AJAP1: variants seen among roughly 807,000 people sequenced by gnomAD.
The protein encoded by AJAP1 is adherens junction-associated protein 1.
In AJAP1, 5 loss-of-function variants were observed where a neutral mutation model predicts 35.0. The observed-to-expected ratio is 0.14, with a 90% confidence interval of 0.07 to 0.30. AJAP1 has a LOEUF of 0.30. Among genes scored for constraint, AJAP1 ranks in the 10% least tolerant of loss-of-function variants. The pLI is 1.00. For synonymous variants in AJAP1, 284 were observed against 249.3 expected (o/e 1.14, Z -1.31); for missense variants, 586 against 571.0 (o/e 1.03, Z -0.27).
At chr1:4,673,179 T>C (rs4654585) in intron 1 of AJAP1, among the ~76,000 whole-genome samples, 40,772 of 152,066 alleles carry the variant, frequency 0.27, 5,697 homozygotes, top group Middle Eastern at 0.41. Context: ...AGAATCCAGC[T>C]AGTCTTCTCA....
chr1:4,713,350 G>T (rs575907819), intron 2 of AJAP1, among the ~76,000 whole-genome samples: 1 of 152,338 alleles, frequency 6.6e-6, no homozygotes, highest in South Asian at 2.1e-4. Context: ...AGGGTGTTTG[G>T]AGGACGGAGA....
chr1:4,768,050 G>A (rs1037972327), intron 2 of AJAP1, among the ~76,000 whole-genome samples: 5 of 152,230 alleles, frequency 3.3e-5, no homozygotes, highest in African/African-American at 9.6e-5. Flanking sequence ...CAACTCATTA[G>A]CAAACCAACT....
chr1:4,739,701 G>A (rs988496627), intron 2 of AJAP1, among the ~76,000 whole-genome samples: 1 of 152,174 alleles, frequency 6.6e-6, no homozygotes, highest in Admixed American at 6.5e-5. Flanking sequence ...GGAGGAGGCA[G>A]CAGGTTCTGT....
Position 4,754,042 on chromosome 1 carries a change from G to C in AJAP1, c.830-15811G>C, listed in dbSNP as rs115714188. ...TAGACATTGTGCATGAAAAGCTATA[G>C]AGATGATTCATGGCACTAAATCAGA... On this transcript the variant is annotated intron_variant, in intron 2 of 5. Transcript: ENST00000378191. Among the ~76,000 whole-genome samples, 618 of 152,294 alleles carry C rather than the reference G, an allele frequency of 4.1e-3. 4 individuals carry two copies. Among genetic ancestry groups the C allele is most frequent in the African/African-American group, 0.014 (589 of 41,556 alleles).
intron 1 of AJAP1, among the ~76,000 whole-genome samples, chr1:4,675,079 G>T (rs1389093523): frequency 6.6e-6 from 1 of 152,182 alleles, no homozygotes; most frequent in Admixed American, 6.5e-5. Flanking sequence ...CGGTGGGGGG[G>T]AAACAGAGCA....
chr1:4,679,181 A>C (rs11811287), intron 1 of AJAP1, among the ~76,000 whole-genome samples: 20,579 of 152,088 alleles, frequency 0.14, 1,874 homozygotes, highest in East Asian at 0.29. Context: ...AACACTTGGG[A>C]AACCTGCTGC....
At position 4,788,500 on chromosome 1, in the gene AJAP1, T is replaced by C. The variant is rs1360075774; in HGVS notation, c.*6015T>C. On this transcript the variant is annotated 3_prime_UTR_variant, in exon 6 of 6. Coordinates refer to ENST00000378191, the MANE Select transcript of AJAP1 (RefSeq NM_018836.4). Reference sequence around the variant, plus strand: ...GGCCTCCATGTGACCAAGCCATCCCTAGCTAGGAAACTTAACTCTTTGCAC... The same window carrying C: ...GGCCTCCATGTGACCAAGCCATCCCCAGCTAGGAAACTTAACTCTTTGCAC... The C allele has an allele frequency of 6.6e-6, 1 of 152,224 alleles. No individual in the cohort carries two copies. The highest frequency in any genetic ancestry group is 1.5e-5 in the Non-Finnish European group (1 of 68,062). The allele number at this position is 152,224 out of a possible 1,614,324, so 9.4% of individuals were successfully genotyped here.
chr1:4,663,846 C>T (rs528501172), intron 1 of AJAP1, among the ~76,000 whole-genome samples: 9 of 152,138 alleles, frequency 5.9e-5, no homozygotes, highest in African/African-American at 9.6e-5. Context: ...GACTGTTTGC[C>T]GTGTCTGCAT....
At chr1:4,750,062 A>G (rs905706067) in intron 2 of AJAP1, among the ~76,000 whole-genome samples, 6 of 151,236 alleles carry the variant, frequency 4.0e-5, no homozygotes, top group Non-Finnish European at 5.9e-5. Context: ...GTATCTATAT[A>G]TGCCAGTGTG....
intron 2 of AJAP1, among the ~76,000 whole-genome samples, chr1:4,759,571 A>G (rs1051347257): frequency 2.0e-5 from 3 of 152,104 alleles, no homozygotes; most frequent in Admixed American, 6.5e-5. Flanking sequence ...GGGTGAGGCC[A>G]CTGTTCTTTG....
At chr1:4,779,894 C>T (rs981463444) in intron 5 of AJAP1, among the ~76,000 whole-genome samples, 2 of 152,078 alleles carry the variant, frequency 1.3e-5, no homozygotes, top group African/African-American at 4.8e-5. Context: ...CCTGTAATCC[C>T]AGCACTTTGG....
In AJAP1 at chr1:4,723,336, G is replaced by A. The variant is rs772162910; in HGVS notation, c.829+10637G>A. On this transcript the variant is annotated intron_variant, in intron 2 of 5. Coordinates refer to ENST00000378191, the MANE Select transcript of AJAP1 (RefSeq NM_018836.4). This position sits in a 1 kb window ranked among gnomAD's most constrained non-coding sequence, Gnocchi z 4.3. ...TTGGATTCCTGAGTCTGCCACTCGG[G>A]GGCTGGTGCAGCCCGGAGTAGAAGC... Among the ~76,000 whole-genome samples the A allele has an allele frequency of 2.0e-4, 30 of 152,326 alleles. 1 individual carries two copies. Among genetic ancestry groups the A allele is most frequent in the Non-Finnish European group, 3.1e-4 (21 of 68,040 alleles).
chr1:4,788,773 C>T lies in AJAP1; in HGVS notation c.*6288C>T, dbSNP rs950547127. The T allele has an allele frequency of 6.6e-6, 1 of 152,124 alleles. No individual in the cohort carries two copies. The highest frequency in any genetic ancestry group is 1.5e-5 in the Non-Finnish European group (1 of 68,042). 9.4% of individuals were successfully genotyped at this position (152,124 alleles called of 1,614,324 possible). ...ATGGCCCCCAGAATATCCAGTGACC[C>T]AAGTGATGTTAGTCTTAGGGTCCCT... On this transcript the variant is annotated 3_prime_UTR_variant, in exon 6 of 6. Transcript: ENST00000378191.
At chr1:4,759,501 G>C (rs1641516097) in intron 2 of AJAP1, among the ~76,000 whole-genome samples, 1 of 152,092 alleles carries the variant, frequency 6.6e-6, no homozygotes, top group Non-Finnish European at 1.5e-5. Context: ...CCAGCCCCGT[G>C]TCTTCTGCTC....
In AJAP1 at chr1:4,723,651, G is replaced by A. The variant is rs895874489; in HGVS notation, c.829+10952G>A. Among the ~76,000 whole-genome samples, 2 of 152,170 alleles carry A rather than the reference G, an allele frequency of 1.3e-5. No homozygotes were observed. The highest frequency in any genetic ancestry group is 2.4e-5 in the African/African-American group (1 of 41,442). ...CCTGCGAGGGCGATGGAAGGGAGAC[G>A]GGAGGTGAGCCGCAGATGCAGTGGG... On this transcript the variant is annotated intron_variant, in intron 2 of 5. Transcript: ENST00000378191. This position sits in a 1 kb window ranked among gnomAD's most constrained non-coding sequence, Gnocchi z 4.3.
At chr1:4,741,849 C>G (rs1198952758) in intron 2 of AJAP1, among the ~76,000 whole-genome samples, 1 of 152,154 alleles carries the variant, frequency 6.6e-6, no homozygotes, top group African/African-American at 2.4e-5. Flanking sequence ...AAAGTACTCA[C>G]GGAATGATGG....
chr1:4,777,143 G>A (rs934914441), intron 5 of AJAP1, among the ~76,000 whole-genome samples: 2 of 152,156 alleles, frequency 1.3e-5, no homozygotes, highest in South Asian at 2.1e-4. Context: ...CATGAGCGTC[G>A]GGTGCAGAAT....
At chr1:4,739,338 C>G (rs1394736578) in intron 2 of AJAP1, among the ~76,000 whole-genome samples, 1 of 152,154 alleles carries the variant, frequency 6.6e-6, no homozygotes, top group East Asian at 1.9e-4. Context: ...AAAGTGGGTC[C>G]GTCCAAGCAC....
rs1399828178 is a variant in AJAP1 at position 4,656,543 on chromosome 1, G to C, written c.29+1089G>C. On this transcript the variant is annotated intron_variant, in intron 1 of 5. Transcript: ENST00000378191. This position sits in a 1 kb window ranked among gnomAD's most constrained non-coding sequence, Gnocchi z 5.7. ...CGCTGCTTGAGCCGCCCCCACTCAG[G>C]GATGAAGCTGCGGGGGGAGTGAGGC... is the stretch of plus-strand genomic sequence containing the variant. 6.6e-6 allele frequency among the ~76,000 whole-genome samples: 1 copy of C among 152,208 alleles called. No individual in the cohort carries two copies. The highest frequency in any genetic ancestry group is 1.5e-5 in the Non-Finnish European group (1 of 68,034).
Sources: allele counts gnomAD v4.1 joint callset (sites outside exome capture counted in the v4.1 genomes callset), GRCh38; gene constraint gnomAD v4.1.1; non-coding constraint Gnocchi (gnomAD v3.1); transcripts MANE v1.5; gene names NCBI Gene and HGNC (gene_info 2026-07-23, HGNC 2026-07-21).